Variants in CASZ1 observed in about 807,000 individuals in gnomAD.
CASZ1 encodes the protein castor zinc finger 1.
CASZ1 carries 28 observed loss-of-function variants against 135.2 expected under a neutral mutation model. The observed-to-expected ratio is 0.21, with a 90% CI of 0.15 to 0.28. The LOEUF is 0.28. Ranked by LOEUF, CASZ1 falls within the 10% of genes least tolerant of loss-of-function variation. The probability of loss-of-function intolerance (pLI) is 1.00; values close to 1 mark genes in which losing one functional copy is unlikely to be tolerated. For synonymous variants in CASZ1, 1,068 were observed against 1,073.4 expected, an observed-to-expected ratio of 0.99 and a Z score of 0.10; for missense variants, 2,161 against 2,453.3, an observed-to-expected ratio of 0.88 and a Z score of 2.52.
rs967668768 is a variant in CASZ1 at position 10,735,753 on chromosome 1, C to T, written c.-77+24948G>A. On this transcript the variant is annotated intron_variant, in intron 2 of 20. Transcript: ENST00000377022. This position sits in a 1 kb window ranked among gnomAD's most constrained non-coding sequence, Gnocchi z 5.1. ...TCACGGGCATCTGCCTACCAAGGGA[C>T]AGGCCCAGTGTCATCTGACAGGCCA... Among the ~76,000 whole-genome samples, 12 of 152,212 alleles carry T rather than the reference C, an allele frequency of 7.9e-5. No individual in the cohort carries two copies. The highest frequency in any genetic ancestry group is 2.9e-4 in the African/African-American group (12 of 41,444).
intron 12 of CASZ1, 76 bp downstream of exon 12, chr1:10,650,865 T>C: frequency 6.2e-7 from 1 of 1,604,456 alleles, no homozygotes; most frequent in Non-Finnish European, 8.5e-7. Flanking sequence ...TGCAACTGCC[T>C]GGGCGGGACC....
chr1:10,749,610 C>A (rs1290703364), intron 2 of CASZ1, among the ~76,000 whole-genome samples: 1 of 152,048 alleles, frequency 6.6e-6, no homozygotes, highest in Non-Finnish European at 1.5e-5. Flanking sequence ...CAGGTGTGGC[C>A]CAGACAGCCC....
chr1:10,702,962 C>CAGAG (rs142859359), intron 3 of CASZ1, among the ~76,000 whole-genome samples: 2,042 of 142,796 alleles, frequency 0.014, 37 homozygotes, highest in African/African-American at 0.042. Flanking sequence ...GAGGGAGAGG[C>CAGAG]AGAGAGAGAG....
intron 4 of CASZ1, among the ~76,000 whole-genome samples, chr1:10,674,612 G>A (rs527856343): frequency 3.0e-4 from 45 of 152,380 alleles, no homozygotes; most frequent in Non-Finnish European, 4.9e-4. Context: ...GTGGGCACAC[G>A]TCTGGCTGGG....
At chr1:10,667,081 C>T (rs1002526439) in intron 4 of CASZ1, among the ~76,000 whole-genome samples, 1 of 152,230 alleles carries the variant, frequency 6.6e-6, no homozygotes, top group African/African-American at 2.4e-5. Flanking sequence ...TAATGATCAC[C>T]CCCTGCCAAC....
chr1:10,753,751 C>T (rs947081015), intron 2 of CASZ1, among the ~76,000 whole-genome samples: 3 of 152,260 alleles, frequency 2.0e-5, no homozygotes, highest in South Asian at 2.1e-4. Flanking sequence ...GATGAAACAT[C>T]GAGAGAGTGC....
At chr1:10,744,155 C>G (rs1157674993) in intron 2 of CASZ1, among the ~76,000 whole-genome samples, 4 of 152,058 alleles carry the variant, frequency 2.6e-5, no homozygotes, top group African/African-American at 9.7e-5. Context: ...TTGCTCCCTC[C>G]CCACCCGTAA....
Position 10,726,383 on chromosome 1 carries a change from G to A in CASZ1, c.-76-20839C>T, listed in dbSNP as rs996039839. ...GATGCCGCCATCCTCAGCCTACTCC[G>A]TATCTCCTTTCAGAAGATGCTATGA... On this transcript the variant is annotated intron_variant, in intron 2 of 20. Coordinates refer to ENST00000377022, the MANE Select transcript of CASZ1 (RefSeq NM_001079843.3). This position sits in a 1 kb window ranked among gnomAD's most constrained non-coding sequence, Gnocchi z 5.7. Among the ~76,000 whole-genome samples the A allele has an allele frequency of 4.6e-5, 7 of 152,192 alleles. No homozygotes were observed. The highest frequency in any genetic ancestry group is 7.2e-5 in the African/African-American group (3 of 41,434).
At position 10,646,653 on chromosome 1, in the gene CASZ1, G is replaced by A. The variant is rs1169804306; in HGVS notation, c.3498-327C>T. ...GATGGCTGTAATAACTTCTTGGATC[G>A]GAAAATAAGGATGGTGCTGCCAGCC... is the stretch of plus-strand genomic sequence containing the variant. On this transcript the variant is annotated intron_variant, in intron 16 of 20. Transcript: ENST00000377022. The surrounding 1 kb of genome is among the most constrained non-coding windows in gnomAD (Gnocchi z 6.4). 6.6e-6 allele frequency among the ~76,000 whole-genome samples: 1 copy of A among 152,238 alleles called. No homozygotes were observed. The highest frequency in any genetic ancestry group is 1.5e-5 in the Non-Finnish European group (1 of 68,034).
At chr1:10,792,611 T>A (rs1173022182) in intron 1 of CASZ1, among the ~76,000 whole-genome samples, 1 of 151,800 alleles carries the variant, frequency 6.6e-6, no homozygotes, top group East Asian at 1.9e-4. Flanking sequence ...TCAGAGTCAG[T>A]TTGCAATTTT....
rs1640273677 is a variant in CASZ1 at position 10,757,091 on chromosome 1, C to T, written c.-77+3610G>A. On this transcript the variant is annotated intron_variant, in intron 2 of 20. Transcript: ENST00000377022. The surrounding 1 kb of genome is among the most constrained non-coding windows in gnomAD (Gnocchi z 4.6). Reference sequence around the variant, plus strand: ...AAACGGTGTCGGAGAGAAGCAGTTCCCTCCGCAAGGAGCCCGACCCACTCA... The same window carrying T: ...AAACGGTGTCGGAGAGAAGCAGTTCTCTCCGCAAGGAGCCCGACCCACTCA... Among the ~76,000 whole-genome samples, 1 of 152,140 alleles carries T rather than the reference C, an allele frequency of 6.6e-6. No homozygotes were observed. The highest frequency in any genetic ancestry group is 2.1e-4 in the South Asian group (1 of 4,822).
intron 18 of CASZ1, among the ~76,000 whole-genome samples, chr1:10,643,953 C>T (rs377141215): frequency 2.0e-5 from 3 of 152,358 alleles, no homozygotes; most frequent in East Asian, 3.9e-4. Flanking sequence ...CAGCACAGGC[C>T]GCAAGTGTTG....
rs1486623873 is a variant in CASZ1 at position 10,639,079 on chromosome 1, GGTCCTCGTCGTCGTC to G, written c.5128_5142del (p.Asp1710_Asp1714del). ...AGCGACTCCTCCGAGTCGGTGCGCAGGTCCTCGTCGTCGTCGTCCTCGTCGTCGTCCTCGTCGTCG... is the reference window on the plus strand; with the variant it reads ...AGCGACTCCTCCGAGTCGGTGCGCAGGTCCTCGTCGTCGTCCTCGTCGTCG... On this transcript the variant is annotated inframe_deletion, in exon 21 of 21. Coordinates refer to ENST00000377022, the MANE Select transcript of CASZ1 (RefSeq NM_001079843.3). The surrounding 1 kb of genome is among the most constrained non-coding windows in gnomAD (Gnocchi z 4.0). 27 of 1,144,712 alleles carry G rather than the reference GGTCCTCGTCGTCGTC, an allele frequency of 2.4e-5. No homozygotes were observed. The Middle Eastern group carries it at 1.0e-3, about 43-fold the overall frequency. 70.9% of individuals were successfully genotyped at this position (1,144,712 alleles called of 1,614,324 possible).
intron 7 of CASZ1, among the ~76,000 whole-genome samples, chr1:10,656,952 A>C (rs1042602021): frequency 6.6e-6 from 1 of 152,136 alleles, no homozygotes; most frequent in African/African-American, 2.4e-5. Flanking sequence ...GACAACACTG[A>C]GGTGGCCAAA....
In CASZ1 at chr1:10,742,132, C is replaced by A. The variant is rs1020789746; in HGVS notation, c.-77+18569G>T. On this transcript the variant is annotated intron_variant, in intron 2 of 20. Transcript: ENST00000377022. ...ACGTGATGTCCCAAACAGACAGAAG[C>A]ATTGACTTCTCAAACATCAAGCACA... is the stretch of plus-strand genomic sequence containing the variant. 3.3e-5 allele frequency among the ~76,000 whole-genome samples: 5 copies of A among 152,186 alleles called. No individual in the cohort carries two copies. The East Asian group carries it at 7.7e-4, about 23-fold the overall frequency.
rs539987297 is a variant in CASZ1 at position 10,666,659 on chromosome 1, C to T, written c.17-1088G>A. ...CCTCATGAGGCGACTTGAGAGCCAGCGACCTCCCTCGCGGCCGCATAGCCC... is the reference window on the plus strand; with the variant it reads ...CCTCATGAGGCGACTTGAGAGCCAGTGACCTCCCTCGCGGCCGCATAGCCC... On this transcript the variant is annotated intron_variant, in intron 4 of 20. Coordinates refer to ENST00000377022, the MANE Select transcript of CASZ1 (RefSeq NM_001079843.3). The surrounding 1 kb of genome is among the most constrained non-coding windows in gnomAD (Gnocchi z 5.2). Among the ~76,000 whole-genome samples, 4 of 152,294 alleles carry T rather than the reference C, an allele frequency of 2.6e-5. No homozygotes were observed. Among genetic ancestry groups the T allele is most frequent in the South Asian group, 2.1e-4 (1 of 4,830 alleles).
chr1:10,703,317 CAGCACCCA>C (rs1162418191), intron 3 of CASZ1, among the ~76,000 whole-genome samples: 1 of 152,176 alleles, frequency 6.6e-6, no homozygotes, highest in Non-Finnish European at 1.5e-5. Flanking sequence ...TAGACAGAGC[CAGCACCCA>C]CTGTGTAACC....
At chr1:10,684,954 C>T (rs552050318) in intron 4 of CASZ1, among the ~76,000 whole-genome samples, 15 of 152,228 alleles carry the variant, frequency 9.9e-5, no homozygotes, top group South Asian at 2.1e-4. Flanking sequence ...CCAAGAGGAA[C>T]CCCCAGTGTG....
At chr1:10,736,066 A>G (rs760001493) in intron 2 of CASZ1, among the ~76,000 whole-genome samples, 1 of 152,084 alleles carries the variant, frequency 6.6e-6, no homozygotes, top group Non-Finnish European at 1.5e-5. Flanking sequence ...GTCATGAACG[A>G]TGTCCCAGTG....
Sources: allele counts gnomAD v4.1 joint callset (sites outside exome capture counted in the v4.1 genomes callset), GRCh38; gene constraint gnomAD v4.1.1; non-coding constraint Gnocchi (gnomAD v3.1); transcripts MANE v1.5; gene names NCBI Gene and HGNC (gene_info 2026-07-23, HGNC 2026-07-21).